The following ARHGAP22 variants were observed in gnomAD, a reference collection of about 807,000 sequenced individuals.
ARHGAP22 encodes the protein Rho GTPase activating protein 22.
A neutral mutation model predicts 59.1 loss-of-function variants in ARHGAP22; 48 were observed. The observed-to-expected ratio is 0.81, with a 90% confidence interval of 0.64 to 1.03. The LOEUF is 1.03. Ranked by LOEUF, ARHGAP22 falls within the 50% of genes least tolerant of loss-of-function variation. The probability of loss-of-function intolerance (pLI) is 0.00; values close to 1 mark genes in which losing one functional copy is unlikely to be tolerated. For synonymous variants in ARHGAP22, 445 were observed against 416.4 expected (o/e 1.07, Z -0.84); for missense variants, 1,015 against 958.7 (o/e 1.06, Z -0.78).
chr10:48,569,177 C>T (rs776554715), intron 2 of ARHGAP22, among the ~76,000 whole-genome samples: 44 of 152,204 alleles, frequency 2.9e-4, no homozygotes, highest in Non-Finnish European at 5.4e-4. Context: ...TGCCATGCTG[C>T]TTAGTTGAGC....
rs1043584168 is a variant in ARHGAP22 at position 48,446,184 on chromosome 10, A to G, written c.*207T>C. ...GTACCGTCCCCTTCTGACCCTCACC[A>G]GGAACTGCATGGTTGGAGCAGCATC... On this transcript the variant is annotated 3_prime_UTR_variant, in exon 10 of 10. Transcript: ENST00000249601. 2 of 603,730 alleles carry G rather than the reference A, an allele frequency of 3.3e-6. No individual in the cohort carries two copies. The highest frequency in any genetic ancestry group is 6.0e-5 in the Admixed American group (2 of 33,512). The allele number at this position is 603,730 out of a possible 1,614,324, so 37.4% of individuals were successfully genotyped here. A position where few individuals can be genotyped will look rare whatever the true frequency, so the allele number is the denominator to read the frequency against.
chr10:48,541,021 G>T (rs2055880166), intron 3 of ARHGAP22, among the ~76,000 whole-genome samples: 1 of 152,072 alleles, frequency 6.6e-6, no homozygotes, highest in South Asian at 2.1e-4. Flanking sequence ...AGGACAAACT[G>T]CAAGAACACA....
intron 3 of ARHGAP22, among the ~76,000 whole-genome samples, chr10:48,513,551 A>G (rs1315306597): frequency 1.3e-5 from 2 of 152,232 alleles, no homozygotes; most frequent in African/African-American, 4.8e-5. Context: ...TTTCTGACAA[A>G]TCATTGGCTG....
chr10:48,543,068 G>A (rs1041598864), intron 3 of ARHGAP22, among the ~76,000 whole-genome samples: 1 of 152,096 alleles, frequency 6.6e-6, no homozygotes, highest in Non-Finnish European at 1.5e-5. Flanking sequence ...GGGGCCCCTG[G>A]GTGTCTGTGA....
At chr10:48,644,110 G>T (rs1311613189) in intron 1 of ARHGAP22, among the ~76,000 whole-genome samples, 1 of 152,196 alleles carries the variant, frequency 6.6e-6, no homozygotes, top group East Asian at 1.9e-4. Context: ...TCGTGCCATT[G>T]CACTCCAGCC....
intron 2 of ARHGAP22, 42 bp from the exon 3 acceptor site, chr10:48,555,592 T>TG (rs1564874020): frequency 6.3e-7 from 1 of 1,590,132 alleles, no homozygotes; most frequent in African/African-American, 1.3e-5. Context: ...CATGAGATGA[T>TG]GGGGAGGGGA....
chr10:48,451,024 C>T lies in ARHGAP22; in HGVS notation c.1105G>A (p.Gly369Arg), dbSNP rs1274109156. 20 of 1,554,284 alleles carry T rather than the reference C, an allele frequency of 1.3e-5. No homozygotes were observed. The highest frequency in any genetic ancestry group is 1.6e-5 in the Non-Finnish European group (18 of 1,149,196). Reference sequence around the variant, plus strand: ...CTGGTGACCTCCTCGGAGCCCCACCCCACTGCGCATTGCAGGCCCCCGCGC... The same window carrying T: ...CTGGTGACCTCCTCGGAGCCCCACCTCACTGCGCATTGCAGGCCCCCGCGC... ...SPRGGLQCAV[G>R]WGSEEVTRDS... is the part of the protein sequence containing the mutation. Residue 369 changes from glycine (G) to arginine (R), a missense_variant, in exon 9 of 10, where the codon GGG (glycine) becomes AGG (arginine). Transcript: ENST00000249601.
At chr10:48,468,362 T>A (rs2047915267) in intron 4 of ARHGAP22, among the ~76,000 whole-genome samples, 1 of 151,952 alleles carries the variant, frequency 6.6e-6, no homozygotes. Context: ...ATCATAGGGG[T>A]TCTTTTACCA....
rs186422269 is a variant in ARHGAP22, at chr10:48,522,241, T to C, written c.322+33222A>G. The stretch of plus-strand genomic sequence containing the variant: ...ACTTGGCCAGCTTGGCTAACTTCCA[T>C]GGGCTGCAGAACCTTGTAGGCACTT... On this transcript the variant is annotated intron_variant, in intron 3 of 9. Coordinates refer to ENST00000249601, the MANE Select transcript of ARHGAP22 (RefSeq NM_021226.4). Among the ~76,000 whole-genome samples the C allele has an allele frequency of 3.1e-3, 473 of 152,322 alleles. 5 individuals are homozygous for C. The highest frequency in any genetic ancestry group is 0.011 in the African/African-American group (457 of 41,574).
At chr10:48,470,958 C>T (rs1029668910) in intron 4 of ARHGAP22, among the ~76,000 whole-genome samples, 7 of 152,222 alleles carry the variant, frequency 4.6e-5, no homozygotes, top group Admixed American at 2.6e-4. Context: ...ATTATGCCTC[C>T]AGGGCTTCCT....
chr10:48,601,265 C>A (rs1461692321), intron 1 of ARHGAP22, among the ~76,000 whole-genome samples: 1 of 152,170 alleles, frequency 6.6e-6, no homozygotes, highest in Non-Finnish European at 1.5e-5. Flanking sequence ...CCCTGAAGGG[C>A]AGAATCTTCC....
At chr10:48,567,807 C>A (rs553295396) in intron 2 of ARHGAP22, among the ~76,000 whole-genome samples, 2 of 151,526 alleles carry the variant, frequency 1.3e-5, no homozygotes, top group African/African-American at 4.9e-5. Context: ...TCTGGCCCAC[C>A]ACAGACATTA....
chr10:48,459,056 C>G (rs999647889), intron 5 of ARHGAP22, among the ~76,000 whole-genome samples: 2 of 152,168 alleles, frequency 1.3e-5, no homozygotes, highest in Non-Finnish European at 2.9e-5. Flanking sequence ...GTAGAGAGAA[C>G]TCTATGAAAA....
In ARHGAP22 at chr10:48,451,412, TG is replaced by T. The variant is rs1449062209; in HGVS notation, c.989-273del. 3 of 704,956 alleles carry T rather than the reference TG, an allele frequency of 4.3e-6. No individual in the cohort carries two copies. The Admixed American group carries it at 6.0e-5, about 14-fold the overall frequency. 43.7% of individuals were successfully genotyped at this position (704,956 alleles called of 1,614,324 possible). On this transcript the variant is annotated intron_variant, in intron 8 of 9. Coordinates refer to ENST00000249601, the MANE Select transcript of ARHGAP22 (RefSeq NM_021226.4). ...TGTGCCTGCGCTCACGCCCTCCAGCTGGGGTGGGGTGAGGAAGCAGGCACCA... is the reference window on the plus strand; with the variant it reads ...TGTGCCTGCGCTCACGCCCTCCAGCTGGGTGGGGTGAGGAAGCAGGCACCA...
At chr10:48,545,587 T>G (rs1212492716) in intron 3 of ARHGAP22, among the ~76,000 whole-genome samples, 1 of 152,204 alleles carries the variant, frequency 6.6e-6, no homozygotes, top group Non-Finnish European at 1.5e-5. Flanking sequence ...TAGGCCGGTA[T>G]CAGCATCCTC....
chr10:48,611,302 G>T (rs2060874733), intron 1 of ARHGAP22, among the ~76,000 whole-genome samples: 1 of 152,146 alleles, frequency 6.6e-6, no homozygotes, highest in South Asian at 2.1e-4. Context: ...CTGCTTACAG[G>T]AGTTAGAGGC....
intron 5 of ARHGAP22, among the ~76,000 whole-genome samples, chr10:48,457,421 G>C (rs2133742141): frequency 6.6e-6 from 1 of 152,224 alleles, no homozygotes; most frequent in African/African-American, 2.4e-5. Flanking sequence ...TGTCCCTGGT[G>C]TTTACTTGTT....
intron 1 of ARHGAP22, among the ~76,000 whole-genome samples, chr10:48,585,393 TCTTAA>T (rs2059371744): frequency 6.6e-6 from 1 of 152,158 alleles, no homozygotes; most frequent in African/African-American, 2.4e-5. Context: ...CCACTTTCTC[TCTTAA>T]CTTGTCTTTT....
chr10:48,441,178 T>C (rs2045192463), downstream of ARHGAP22, among the ~76,000 whole-genome samples: 1 of 152,166 alleles, frequency 6.6e-6, no homozygotes, highest in Non-Finnish European at 1.5e-5. Context: ...TCTTGTGAGG[T>C]CTGTGTTGTT....
Sources: gnomAD v4.1 joint callset for allele counts (sites outside exome capture counted in the v4.1 genomes callset) on GRCh38, gnomAD v4.1.1 for gene constraint, MANE v1.5 for transcripts, NCBI Gene and HGNC (gene_info 2026-07-23, HGNC 2026-07-21) for gene names.